The following FLOT2 variants were observed in gnomAD, a reference collection of about 807,000 sequenced individuals.
The protein encoded by FLOT2 is flotillin-2.
A neutral mutation model predicts 54.9 loss-of-function variants in FLOT2; 35 were observed. That is an observed-to-expected ratio of 0.64 (90% confidence interval 0.49 to 0.84). The LOEUF is 0.84. Ranked by LOEUF, FLOT2 falls within the 40% of genes least tolerant of loss-of-function variation. The pLI is 0.00. For missense variants in FLOT2, 464 were observed against 572.1 expected (o/e 0.81, Z 1.93); for synonymous variants, 207 against 228.9 (o/e 0.90, Z 0.86).
chr17:28,881,844 T>C lies in FLOT2; in HGVS notation c.884A>G (p.His295Arg), dbSNP rs986224579. The C allele has an allele frequency of 1.2e-5, 20 of 1,613,600 alleles. No homozygotes were observed. The highest frequency in any genetic ancestry group is 1.6e-5 in the Non-Finnish European group (19 of 1,180,036). The change falls in exon 8 of 11, where the codon CAC (histidine) becomes CGC (arginine). Residue 295 changes from histidine (H) to arginine (R), a missense_variant. His to Arg is a conservative substitution (Grantham distance 29). Transcript: ENST00000394908. Reference sequence around the variant, plus strand: ...ACCCTCGGCAATCTGCTGGATGCGGTGGGCCTCGGCCTCGGCAGGCCGGCG... The same window carrying C: ...ACCCTCGGCAATCTGCTGGATGCGGCGGGCCTCGGCCTCGGCAGGCCGGCG... ...TVRRPAEAEA[H>R]RIQQIAEGEK...
rs142354273 is a variant in FLOT2 at position 28,892,010 on chromosome 17, G to C, written c.50-2984C>G. Reference sequence around the variant, plus strand: ...CAAAGAGCAGTGTGGGCAGGGAACAGTAAGACGGGGTCCTGGGTCTCTGTC... The same window carrying C: ...CAAAGAGCAGTGTGGGCAGGGAACACTAAGACGGGGTCCTGGGTCTCTGTC... On this transcript the variant is annotated intron_variant, in intron 1 of 10. Transcript: ENST00000394908. 1.5e-3 allele frequency among the ~76,000 whole-genome samples: 232 copies of C among 152,328 alleles called. 1 individual carries two copies. The highest frequency in any genetic ancestry group is 5.4e-3 in the African/African-American group (223 of 41,574).
In FLOT2 at chr17:28,884,302, T is replaced by C; in HGVS notation, c.145A>G (p.Ile49Val). The change falls in exon 3 of 11, where the codon ATT (isoleucine) becomes GTT (valine). Residue 49 changes from isoleucine (I) to valine (V), a missense_variant. Coordinates refer to ENST00000394908, the MANE Select transcript of FLOT2 (RefSeq NM_004475.3). The surrounding 1 kb of genome is among the most constrained non-coding windows in gnomAD (Gnocchi z 5.1). ...ISDTQRISLEIMTLQPRCEDV... is the reference protein window; with the variant it reads ...ISDTQRISLEVMTLQPRCEDV... ...TCGCAGCGGGGCTGCAACGTCATAA[T>C]CTCTAGGGAAATCCTGCCAAGAAAC... 1 of 1,609,378 alleles carries C rather than the reference T, an allele frequency of 6.2e-7. No homozygotes were observed. Among genetic ancestry groups the C allele is most frequent in the Non-Finnish European group, 8.5e-7 (1 of 1,177,122 alleles).
chr17:28,887,767 G>T (rs2039574729), intron 2 of FLOT2, among the ~76,000 whole-genome samples: 1 of 152,220 alleles, frequency 6.6e-6, no homozygotes, highest in Non-Finnish European at 1.5e-5. Context: ...GGTGTGGCCA[G>T]GATCCTCTCG....
At position 28,884,307 on chromosome 17, in the gene FLOT2, AG is replaced by A; in HGVS notation, c.139del (p.Leu47Ter). 2 of 1,608,020 alleles carry A rather than the reference AG, an allele frequency of 1.2e-6. No homozygotes were observed. Among genetic ancestry groups the A allele is most frequent in the Non-Finnish European group, 1.7e-6 (2 of 1,176,200 alleles). On this transcript the variant is annotated frameshift_variant, in exon 3 of 11. Coordinates refer to ENST00000394908, the MANE Select transcript of FLOT2 (RefSeq NM_004475.3). LOFTEE classifies it high-confidence loss of function. The surrounding 1 kb of genome is among the most constrained non-coding windows in gnomAD (Gnocchi z 5.1). ...GCGGGGCTGCAACGTCATAATCTCT[AG>A]GGAAATCCTGCCAAGAAACGCAAAA... ...WCISDTQRIS[L>X]EIMTLQPRCE...
Position 28,884,193 on chromosome 17 carries a change from C to G in FLOT2, c.222+32G>C. On this transcript the variant is annotated intron_variant, in intron 3 of 10. Transcript: ENST00000394908. This position sits in a 1 kb window ranked among gnomAD's most constrained non-coding sequence, Gnocchi z 5.1. ...CCGAGTACGGGACCAGGCAGCTCAA[C>G]GGACATGCGCAGGGCTGCTGAGTTA... The G allele has an allele frequency of 6.6e-7, 1 of 1,516,780 alleles. No homozygotes were observed. Among genetic ancestry groups the G allele is most frequent in the Non-Finnish European group, 9.2e-7 (1 of 1,091,908 alleles). The allele number at this position is 1,516,780 out of a possible 1,614,324, so 94.0% of individuals were successfully genotyped here.
rs2039415284 is a variant in FLOT2, at chr17:28,879,655, TCTGTACAGGGTTGGCACAGCCTTGTC to T, written c.*880_*905del. 2 of 985,960 alleles carry T rather than the reference TCTGTACAGGGTTGGCACAGCCTTGTC, an allele frequency of 2.0e-6. No individual in the cohort carries two copies. The highest frequency in any genetic ancestry group is 2.4e-6 in the Non-Finnish European group (2 of 830,054). 61.1% of individuals were successfully genotyped at this position (985,960 alleles called of 1,614,324 possible). ...GTCTGGCCAGGCTACAGCACTCGAT[TCTGTACAGGGTTGGCACAGCCTTGTC>T]CACCAGAAGGGCCCAACACCCAGGA... On this transcript the variant is annotated 3_prime_UTR_variant, in exon 11 of 11. Coordinates refer to ENST00000394908, the MANE Select transcript of FLOT2 (RefSeq NM_004475.3).
Position 28,880,001 on chromosome 17 carries a change from GC to G in FLOT2, c.*559del. ...ATGAGGGGAAGGACAGTGTCTCTGG[GC>G]CCTGCAGGTCATGGCTGCCCAGACC... On this transcript the variant is annotated 3_prime_UTR_variant, in exon 11 of 11. Coordinates refer to ENST00000394908, the MANE Select transcript of FLOT2 (RefSeq NM_004475.3). The G allele has an allele frequency of 4.0e-6, 4 of 989,468 alleles. No individual in the cohort carries two copies. The highest frequency in any genetic ancestry group is 4.8e-6 in the Non-Finnish European group (4 of 832,692). The allele number at this position is 989,468 out of a possible 1,614,324, so 61.3% of individuals were successfully genotyped here. A position where few individuals can be genotyped will look rare whatever the true frequency, so the allele number is the denominator to read the frequency against.
intron 1 of FLOT2, among the ~76,000 whole-genome samples, chr17:28,896,455 C>A (rs528708116): frequency 1.3e-5 from 2 of 152,296 alleles, no homozygotes; most frequent in South Asian, 4.1e-4. Flanking sequence ...GTCCTCAAGG[C>A]TATTTCTGGT....
chr17:28,889,623 C>T (rs1184783101), intron 1 of FLOT2, among the ~76,000 whole-genome samples: 1 of 151,712 alleles, frequency 6.6e-6, no homozygotes, highest in Non-Finnish European at 1.5e-5. Context: ...TGAGCCACCT[C>T]GCCAGGCCAG....
Sources: allele counts gnomAD v4.1 joint callset (sites outside exome capture counted in the v4.1 genomes callset), GRCh38; gene constraint gnomAD v4.1.1; non-coding constraint Gnocchi (gnomAD v3.1); transcripts MANE v1.5; gene names NCBI Gene and HGNC (gene_info 2026-07-23, HGNC 2026-07-21).